Variants in AGAP1 observed in about 807,000 individuals in gnomAD.
AGAP1 encodes the protein arf-GAP with GTPase, ANK repeat and PH domain-containing protein 1.
In AGAP1, 29 loss-of-function variants were observed where a neutral mutation model predicts 105.3. The ratio of observed to expected loss-of-function variants is 0.28; its 90% confidence interval spans 0.21 to 0.38. The LOEUF (loss-of-function observed/expected upper bound fraction) is 0.38. AGAP1 is among the 10% of genes least tolerant of loss of function. The pLI, the probability that AGAP1 is intolerant of heterozygous loss-of-function variation, is 1.00. For missense variants in AGAP1, 998 were observed against 1,165.1 expected, an observed-to-expected ratio of 0.86 and a Z score of 2.09; for synonymous variants, 509 against 485.9, an observed-to-expected ratio of 1.05 and a Z score of -0.63.
intron 13 of AGAP1, among the ~76,000 whole-genome samples, chr2:235,985,358 C>T (rs1356296486): frequency 6.6e-6 from 1 of 152,174 alleles, no homozygotes; most frequent in Non-Finnish European, 1.5e-5. Flanking sequence ...AGCCCTTTGT[C>T]AGATGGATAG....
At chr2:235,523,525 C>T (rs900585721) in intron 1 of AGAP1, among the ~76,000 whole-genome samples, 5 of 152,126 alleles carry the variant, frequency 3.3e-5, no homozygotes, top group Admixed American at 3.3e-4. Flanking sequence ...GGTGCAGGTT[C>T]CTGTGCCCAT....
At chr2:235,703,574 G>A (rs867674025) in intron 1 of AGAP1, among the ~76,000 whole-genome samples, 15 of 7,990 alleles carry the variant, frequency 1.9e-3, no homozygotes, top group Admixed American at 7.7e-3. Context: ...CCCCTCCCCC[G>A]CTTCCCTCCC....
In AGAP1 at chr2:235,690,551, C is replaced by T. The variant is rs1267614067; in HGVS notation, c.164-18628C>T. ...AGGCTGGCCAACTCAGACACCTAAG[C>T]AGCCACATCAGACCCAGAGTCCGAG... On this transcript the variant is annotated intron_variant, in intron 1 of 17. Transcript: ENST00000304032. The surrounding 1 kb of genome is among the most constrained non-coding windows in gnomAD (Gnocchi z 4.1). Among the ~76,000 whole-genome samples the T allele has an allele frequency of 6.6e-6, 1 of 152,202 alleles. No homozygotes were observed. The highest frequency in any genetic ancestry group is 1.5e-5 in the Non-Finnish European group (1 of 68,050).
At chr2:236,011,180 G>T (rs962042370) in intron 13 of AGAP1, among the ~76,000 whole-genome samples, 20 of 152,386 alleles carry the variant, frequency 1.3e-4, no homozygotes, top group African/African-American at 4.1e-4. Flanking sequence ...TAGCACCCTT[G>T]TGTTTCACCT....
intron 13 of AGAP1, among the ~76,000 whole-genome samples, chr2:235,998,020 A>G (rs1263946393): frequency 2.0e-5 from 3 of 152,206 alleles, no homozygotes; most frequent in Non-Finnish European, 4.4e-5. Context: ...TTTTAATTTC[A>G]GTGATTAACA....
intron 9 of AGAP1, among the ~76,000 whole-genome samples, chr2:235,826,214 C>G (rs1959053981): frequency 6.6e-6 from 1 of 152,174 alleles, no homozygotes; most frequent in Admixed American, 6.5e-5. Flanking sequence ...CTCATAGATT[C>G]CTTTCAGGTT....
At position 235,871,072 on chromosome 2, in the gene AGAP1, A is replaced by G. The variant is rs954638945; in HGVS notation, c.1051-12273A>G. ...GTGAGGCATTGCCTTAAAATATTTG[A>G]GTTCTCAAGGAAAGGGTCTGACTGC... is the stretch of plus-strand genomic sequence containing the variant. On this transcript the variant is annotated intron_variant, in intron 9 of 17. Coordinates refer to ENST00000304032, the MANE Select transcript of AGAP1 (RefSeq NM_001037131.3). Among the ~76,000 whole-genome samples the G allele has an allele frequency of 2.6e-5, 4 of 152,234 alleles. No homozygotes were observed. In the East Asian group the frequency reaches 7.7e-4, roughly 29 times the overall value.
At chr2:235,547,366 T>C (rs1300243338) in intron 1 of AGAP1, among the ~76,000 whole-genome samples, 1 of 150,152 alleles carries the variant, frequency 6.7e-6, no homozygotes, top group Non-Finnish European at 1.5e-5. Context: ...CTTTTTTTTT[T>C]TTTTTTTTCT....
chr2:236,005,267 T>TC lies in AGAP1; in HGVS notation c.1646-31291dup, dbSNP rs2056282091. 6.6e-6 allele frequency among the ~76,000 whole-genome samples: 1 copy of TC among 152,100 alleles called. No individual in the cohort carries two copies. On this transcript the variant is annotated intron_variant, in intron 13 of 17. Coordinates refer to ENST00000304032, the MANE Select transcript of AGAP1 (RefSeq NM_001037131.3). This position sits in a 1 kb window ranked among gnomAD's most constrained non-coding sequence, Gnocchi z 4.1. The stretch of plus-strand genomic sequence containing the variant: ...CTCAAGCGATTCTTGCCCCTCAGCC[T>TC]CCCAAATAGCTGGGACTACAGGAGT...
rs1574872125 is a variant in AGAP1 at position 235,572,033 on chromosome 2, C to G, written c.163+77184C>G. Reference sequence around the variant, plus strand: ...TTTTTTTTTTTTTGAAGCAGCTCGTCTTTATTGAAACTTCTTAAAACATCC... The same window carrying G: ...TTTTTTTTTTTTTGAAGCAGCTCGTGTTTATTGAAACTTCTTAAAACATCC... On this transcript the variant is annotated intron_variant, in intron 1 of 17. Coordinates refer to ENST00000304032, the MANE Select transcript of AGAP1 (RefSeq NM_001037131.3). 3.8e-5 allele frequency among the ~76,000 whole-genome samples: 5 copies of G among 131,204 alleles called. No individual in the cohort carries two copies. The Admixed American group carries it at 4.1e-4, about 11-fold the overall frequency. 86.1% of individuals were successfully genotyped at this position (131,204 alleles called of 152,430 possible). A position where few individuals can be genotyped will look rare whatever the true frequency, so the allele number is the denominator to read the frequency against.
At position 235,555,097 on chromosome 2, in the gene AGAP1, C is replaced by T. The variant is rs1001949319; in HGVS notation, c.163+60248C>T. On this transcript the variant is annotated intron_variant, in intron 1 of 17. Coordinates refer to ENST00000304032, the MANE Select transcript of AGAP1 (RefSeq NM_001037131.3). This position sits in a 1 kb window ranked among gnomAD's most constrained non-coding sequence, Gnocchi z 5.1. ...GGGTGGGGCTGGGATGAGGAGAGCG[C>T]GGCCGCCAGGGTCAGCCTGGATGCT... Among the ~76,000 whole-genome samples, 11 of 152,148 alleles carry T rather than the reference C, an allele frequency of 7.2e-5. No individual in the cohort carries two copies. The highest frequency in any genetic ancestry group is 3.3e-4 in the Admixed American group (5 of 15,276).
At chr2:235,694,012 T>G (rs1476570289) in intron 1 of AGAP1, among the ~76,000 whole-genome samples, 1 of 152,182 alleles carries the variant, frequency 6.6e-6, no homozygotes, top group Non-Finnish European at 1.5e-5. Flanking sequence ...AACTGTCCAT[T>G]TATCTTGAAG....
At chr2:235,968,423 T>C (rs567112327) in intron 12 of AGAP1, 39 bp from the exon 13 acceptor site, 2 of 117,652 alleles carry the variant, frequency 1.7e-5, no homozygotes, top group Admixed American at 8.2e-5. Flanking sequence ...TCACTCTGCA[T>C]TTTTTTTTTT....
chr2:235,536,223 AG>A (rs1943217077), intron 1 of AGAP1, among the ~76,000 whole-genome samples: 2 of 63,198 alleles, frequency 3.2e-5, no homozygotes, highest in African/African-American at 8.1e-5. Flanking sequence ...ACACACACAC[AG>A]CAGGACCCTG....
At position 236,076,077 on chromosome 2, in the gene AGAP1, C is replaced by A. The variant is rs963189479; in HGVS notation, c.2114+26796C>A. On this transcript the variant is annotated intron_variant, in intron 16 of 17. Coordinates refer to ENST00000304032, the MANE Select transcript of AGAP1 (RefSeq NM_001037131.3). This position sits in a 1 kb window ranked among gnomAD's most constrained non-coding sequence, Gnocchi z 4.4. ...CCAAGACCCGTGCTGTCATAACAGTCCTCCTTCAGAGACACCCCTCAATCA... is the reference window on the plus strand; with the variant it reads ...CCAAGACCCGTGCTGTCATAACAGTACTCCTTCAGAGACACCCCTCAATCA... 6.6e-6 allele frequency among the ~76,000 whole-genome samples: 1 copy of A among 152,338 alleles called. No homozygotes were observed.
chr2:235,828,961 G>T lies in AGAP1; in HGVS notation c.1050+21630G>T, dbSNP rs529414984. 2.4e-4 allele frequency among the ~76,000 whole-genome samples: 36 copies of T among 152,298 alleles called. No individual in the cohort carries two copies. The East Asian group carries it at 6.4e-3, about 27-fold the overall frequency. On this transcript the variant is annotated intron_variant, in intron 9 of 17. Transcript: ENST00000304032. ...CAGAGTTCTGAGCCTCAGTTTTGGG[G>T]GTCAGGTGTCATTGTCTTAAGATGC...
chr2:235,941,935 C>T (rs551585312), intron 12 of AGAP1, among the ~76,000 whole-genome samples: 5 of 152,242 alleles, frequency 3.3e-5, no homozygotes, highest in African/African-American at 1.2e-4. Flanking sequence ...TGAGGAAAAG[C>T]ATTCTAAAAA....
At chr2:236,007,439 T>G (rs952864819) in intron 13 of AGAP1, among the ~76,000 whole-genome samples, 4 of 152,206 alleles carry the variant, frequency 2.6e-5, no homozygotes, top group African/African-American at 9.7e-5. Context: ...GAAGGGTGGT[T>G]GTTTGCCATT....
rs1326495199 is a variant in AGAP1, at chr2:235,714,883, C to T, written c.223-2674C>T. 2.0e-5 allele frequency among the ~76,000 whole-genome samples: 3 copies of T among 152,114 alleles called. No individual in the cohort carries two copies. The highest frequency in any genetic ancestry group is 2.1e-4 in the South Asian group (1 of 4,830). Reference sequence around the variant, plus strand: ...GTGTATCTCGGCTCACTGCAACCTCCGCCTCCTGGGTTCAGGCGATTCTCC... The same window carrying T: ...GTGTATCTCGGCTCACTGCAACCTCTGCCTCCTGGGTTCAGGCGATTCTCC... On this transcript the variant is annotated intron_variant, in intron 2 of 17. Transcript: ENST00000304032. This position sits in a 1 kb window ranked among gnomAD's most constrained non-coding sequence, Gnocchi z 4.1.
Sources: gnomAD v4.1 joint callset for allele counts (sites outside exome capture counted in the v4.1 genomes callset) on GRCh38, gnomAD v4.1.1 for gene constraint, Gnocchi (gnomAD v3.1) non-coding constraint, MANE v1.5 for transcripts, NCBI Gene and HGNC (gene_info 2026-07-23, HGNC 2026-07-21) for gene names.